EPRS1: variants seen among roughly 807,000 people sequenced by gnomAD.
EPRS1 encodes the protein glutamyl-prolyl-tRNA synthetase 1, also known as bifunctional glutamate/proline--tRNA ligase.
Under a neutral mutation model 188.3 loss-of-function variants are expected in EPRS1, and 107 were observed. The observed-to-expected ratio is 0.57, with a 90% CI of 0.49 to 0.67. The LOEUF (loss-of-function observed/expected upper bound fraction) is 0.67, where lower values mean the gene tolerates loss of function less well. Ranked by LOEUF, EPRS1 falls within the 30% of genes least tolerant of loss-of-function variation. EPRS1 has a pLI of 0.00. For missense variants in EPRS1, 1,577 were observed against 1,802.2 expected, an observed-to-expected ratio of 0.88 and a Z score of 2.26; for synonymous variants, 596 against 593.1, an observed-to-expected ratio of 1.00 and a Z score of -0.07.
Position 220,046,303 on chromosome 1 carries a change from C to A in EPRS1, c.46+40G>T, listed in dbSNP as rs1457991028. The A allele has an allele frequency of 2.5e-6, 4 of 1,613,128 alleles. No individual in the cohort carries two copies. In the African/African-American group the frequency reaches 4.0e-5, roughly 16 times the overall value. ...CTTCCACGCCCTGCACCCTCCCTGG[C>A]TGATGCAACCCACACAGGTCATTGG... On this transcript the variant is annotated intron_variant, in intron 1 of 31. Coordinates refer to ENST00000366923, the MANE Select transcript of EPRS1 (RefSeq NM_004446.3).
At chr1:220,012,414 T>A (rs1222251640) in intron 12 of EPRS1, among the ~76,000 whole-genome samples, 1 of 152,202 alleles carries the variant, frequency 6.6e-6, no homozygotes, top group Admixed American at 6.5e-5. Flanking sequence ...TTGCAGCTGT[T>A]TCCTCCGCTG....
In EPRS1 at chr1:220,044,541, A is replaced by G. The variant is rs181949948; in HGVS notation, c.46+1802T>C. Among the ~76,000 whole-genome samples the G allele has an allele frequency of 1.7e-3, 252 of 152,212 alleles. 1 individual carries two copies. The highest frequency in any genetic ancestry group is 5.5e-3 in the African/African-American group (227 of 41,518). On this transcript the variant is annotated intron_variant, in intron 1 of 31. Coordinates refer to ENST00000366923, the MANE Select transcript of EPRS1 (RefSeq NM_004446.3). ...GGAGTTTGAGACCAGCCTGGCCAAC[A>G]TGGCAAAATGCTGTGTCTACTAAAA...
chr1:219,984,419 T>C (rs1660963903), intron 20 of EPRS1, among the ~76,000 whole-genome samples, 162 bp from the exon 21 acceptor site: 1 of 152,160 alleles, frequency 6.6e-6, no homozygotes, highest in African/African-American at 2.4e-5. Context: ...AACGTTGTTG[T>C]TTTCTTGTTT....
chr1:219,988,687 G>C lies in EPRS1; in HGVS notation c.2678C>G (p.Pro893Arg), dbSNP rs5030751. ...SDSSPTRNSE[P>R]AGLETPEAKV... is the part of the protein sequence containing the mutation. ...CGCTTCTGGTGTTTCTAAACCAGCA[G>C]GTTCAGAATTTCTGGTTGGGCTTGA... Residue 893 changes from proline to arginine, a missense_variant, in exon 19 of 32, where the codon CCT becomes CGT. This residue lies in a region of EPRS1 where 1,278 missense variants were observed against 1,457.4 expected (regional missense o/e 0.88). Transcript: ENST00000366923. The C allele has an allele frequency of 6.2e-7, 1 of 1,613,904 alleles. No homozygotes were observed. Among genetic ancestry groups the C allele is most frequent in the African/African-American group, 1.3e-5 (1 of 74,972 alleles).
At chr1:219,993,343 C>T (rs577622325) in intron 18 of EPRS1, among the ~76,000 whole-genome samples, 46 of 152,264 alleles carry the variant, frequency 3.0e-4, no homozygotes, top group African/African-American at 1.1e-3. Context: ...CAACTTGATC[C>T]ATTATTTTAT....
chr1:219,973,673 T>C (rs1489277359), intron 28 of EPRS1, among the ~76,000 whole-genome samples: 1 of 152,106 alleles, frequency 6.6e-6, no homozygotes, highest in Non-Finnish European at 1.5e-5. Context: ...TTCCCAACTT[T>C]TCTCACAAAA....
At position 219,997,263 on chromosome 1, in the gene EPRS1, T is replaced by C. The variant is rs1350904314; in HGVS notation, c.2261A>G (p.Tyr754Cys). 6.2e-7 allele frequency: 1 copy of C among 1,614,044 alleles called. No homozygotes were observed. Among genetic ancestry groups the C allele is most frequent in the South Asian group, 1.1e-5 (1 of 91,078 alleles). ...CTTSEDSLVL[Y>C]NRVAVQGDVV... ...ATCTCCTTGAACAGCCACTCTATTG[T>C]AAAGGACCAAGGAATCCTCAGATGT... Residue 754 changes from tyrosine (Y) to cysteine (C), a missense_variant, in exon 18 of 32, where the codon TAC becomes TGC. Tyr to Cys is a radical substitution (Grantham distance 194). Around this residue, in one of 3 missense-constraint regions of EPRS1, gnomAD observed 1,278 missense variants for 1,457.4 expected, o/e 0.88. Coordinates refer to ENST00000366923, the MANE Select transcript of EPRS1 (RefSeq NM_004446.3).
chr1:220,039,305 AT>A (rs1358079331), intron 2 of EPRS1, among the ~76,000 whole-genome samples: 2 of 152,132 alleles, frequency 1.3e-5, no homozygotes, highest in Non-Finnish European at 2.9e-5. Flanking sequence ...GGCCAGTCCA[AT>A]TAAATAACCC....
chr1:219,994,776 C>T (rs1243838281), intron 18 of EPRS1, among the ~76,000 whole-genome samples: 2 of 151,294 alleles, frequency 1.3e-5, no homozygotes, highest in African/African-American at 4.9e-5. Context: ...CCTCAGCCTC[C>T]CAAGTAGCTG....
At chr1:220,010,897 C>A in intron 13 of EPRS1, 49 bp downstream of exon 13, 1 of 1,049,270 alleles carries the variant, frequency 9.5e-7, no homozygotes, top group East Asian at 2.4e-5. Flanking sequence ...TTATTTCCTG[C>A]TCCTTCTTTT....
chr1:220,039,415 T>C (rs1357269556), intron 2 of EPRS1, among the ~76,000 whole-genome samples: 1 of 152,178 alleles, frequency 6.6e-6, no homozygotes, highest in Non-Finnish European at 1.5e-5. Context: ...GCTGAAAAAT[T>C]TAAGTCTCTA....
intron 1 of EPRS1, among the ~76,000 whole-genome samples, chr1:220,041,365 T>A (rs537487333): frequency 2.0e-4 from 31 of 152,122 alleles, no homozygotes; most frequent in Non-Finnish European, 3.2e-4. Flanking sequence ...TCATCCCCAT[T>A]TTACAGAATA....
Position 219,983,311 on chromosome 1 carries a change from T to C in EPRS1, c.3178A>G (p.Ile1060Val), listed in dbSNP as rs756153582. ...ATCTCAGCATCAAAAAAGTCCTTGATGGCTTCCCAAATGGCATAGGCCCAG... is the reference window on the plus strand; with the variant it reads ...ATCTCAGCATCAAAAAAGTCCTTGACGGCTTCCCAAATGGCATAGGCCCAG... ...RPWAYAIWEA[I>V]KDFFDAEIKK... The change falls in exon 22 of 32, where the codon ATC becomes GTC. Residue 1060 changes from isoleucine (I) to valine (V), a missense_variant. By Grantham distance (29) the Ile-to-Val change is conservative. Around this residue, in one of 3 missense-constraint regions of EPRS1, gnomAD observed 1,278 missense variants for 1,457.4 expected, o/e 0.88. Coordinates refer to ENST00000366923, the MANE Select transcript of EPRS1 (RefSeq NM_004446.3). The C allele has an allele frequency of 3.7e-6, 6 of 1,614,082 alleles. No individual in the cohort carries two copies. The Admixed American group carries it at 6.7e-5, about 18-fold the overall frequency.
chr1:219,991,321 A>T (rs554978167), intron 18 of EPRS1, among the ~76,000 whole-genome samples: 3 of 151,818 alleles, frequency 2.0e-5, no homozygotes, highest in African/African-American at 7.2e-5. Context: ...AAATGAAAAA[A>T]CTTTTTTCAA....
At chr1:219,989,412 C>A (rs1049474263) in intron 18 of EPRS1, among the ~76,000 whole-genome samples, 4 of 151,400 alleles carry the variant, frequency 2.6e-5, no homozygotes, top group African/African-American at 7.3e-5. Flanking sequence ...ACTTGTGACT[C>A]TCTAGCAGAG....
chr1:219,978,964 A>ACT (rs1660836321), intron 27 of EPRS1, among the ~76,000 whole-genome samples: 1 of 125,952 alleles, frequency 7.9e-6, no homozygotes, highest in African/African-American at 2.7e-5. Flanking sequence ...ATATATATAT[A>ACT]TTTTTTTTTC....
At chr1:219,980,272 T>C (rs1316909594) in intron 25 of EPRS1, 32 bp from the exon 26 acceptor site, 3 of 1,549,216 alleles carry the variant, frequency 1.9e-6, no homozygotes, top group Non-Finnish European at 2.7e-6. Context: ...TGTGTTCAAA[T>C]TTAGGGTACA....
intron 21 of EPRS1, among the ~76,000 whole-genome samples, chr1:219,983,626 C>T (rs1043100284): frequency 2.6e-5 from 4 of 152,128 alleles, no homozygotes; most frequent in Non-Finnish European, 5.9e-5. Context: ...GGCATTGTGG[C>T]TTAGGCCTGC....
rs369411166 is a variant in EPRS1 at position 219,988,628 on chromosome 1, C to T, written c.2737G>A (p.Glu913Lys). 1.9e-6 allele frequency: 3 copies of T among 1,613,800 alleles called. No homozygotes were observed. Among genetic ancestry groups the T allele is most frequent in the Non-Finnish European group, 2.5e-6 (3 of 1,179,754 alleles). Residue 913 changes from glutamate (E) to lysine (K), a missense_variant, in exon 19 of 32, where the codon GAA (glutamate) becomes AAA (lysine). Physicochemically the swap from Glu to Lys is moderately conservative, Grantham distance 56. This residue lies in a region of EPRS1 where 1,278 missense variants were observed against 1,457.4 expected (regional missense o/e 0.88). Transcript: ENST00000366923. Reference protein sequence around the residue: ...VLFDKVASQGEVVRKLKTEKA... With the variant: ...VLFDKVASQGKVVRKLKTEKA... ...TCAGTTTTAAGTTTCCGAACTACTT[C>T]CCCTTGAGAAGCTACTTTGTCAAAA... is the stretch of plus-strand genomic sequence containing the variant.
Sources: allele counts gnomAD v4.1 joint callset (sites outside exome capture counted in the v4.1 genomes callset), GRCh38; gene constraint gnomAD v4.1.1; regional missense constraint gnomAD v4.1.1; transcripts MANE v1.5; gene names NCBI Gene and HGNC (gene_info 2026-07-23, HGNC 2026-07-21).